The following DNAH12 variants were observed in gnomAD, a reference collection of about 807,000 sequenced individuals.
The protein encoded by DNAH12 is dynein axonemal heavy chain 12, also known as axonemal beta dynein heavy chain 12.
In DNAH12, 285 loss-of-function variants were observed where a neutral mutation model predicts 371.5. The observed-to-expected ratio is 0.77, with a 90% CI of 0.70 to 0.85. The LOEUF (loss-of-function observed/expected upper bound fraction) is 0.85. Ranked by LOEUF, DNAH12 falls within the 40% of genes least tolerant of loss-of-function variation. DNAH12 has a pLI of 0.00. For missense variants in DNAH12, 3,611 were observed against 3,689.4 expected, an observed-to-expected ratio of 0.98 and a Z score of 0.55; for synonymous variants, 1,200 against 1,213.0, an observed-to-expected ratio of 0.99 and a Z score of 0.22.
chr3:57,419,481 A>C lies in DNAH12; in HGVS notation c.5600T>G (p.Leu1867Ter), dbSNP rs1417271962. The C allele has an allele frequency of 3.4e-6, 5 of 1,481,454 alleles. No individual in the cohort carries two copies. Among genetic ancestry groups the C allele is most frequent in the Non-Finnish European group, 4.5e-6 (5 of 1,118,078 alleles). 91.8% of individuals were successfully genotyped at this position (1,481,454 alleles called of 1,614,324 possible). A position where few individuals can be genotyped will look rare whatever the true frequency, so the allele number is the denominator to read the frequency against. Residue 1867 changes from leucine to a stop codon, truncating the protein, a stop_gained, in exon 37 of 74, where the codon TTA becomes TGA. Coordinates refer to ENST00000495027, the MANE Select transcript of DNAH12 (RefSeq NM_001366028.2). LOFTEE classifies it high-confidence loss of function. ...NKGRWVHWNE[L>*]IKNTNLGDKQ... ...ATCTCCTAAATTAGTATTTTTAATTAATTCATTCCAATGGACCCAGCGACC... is the reference window on the plus strand; with the variant it reads ...ATCTCCTAAATTAGTATTTTTAATTCATTCATTCCAATGGACCCAGCGACC...
At chr3:57,525,306 A>G (rs1487272005) in intron 2 of DNAH12, among the ~76,000 whole-genome samples, 3 of 152,202 alleles carry the variant, frequency 2.0e-5, no homozygotes, top group Non-Finnish European at 1.5e-5. Flanking sequence ...ATGAAGATGT[A>G]GGAGCTCAAT....
At chr3:57,417,929 T>C (rs542653597) in intron 37 of DNAH12, among the ~76,000 whole-genome samples, 184 of 152,124 alleles carry the variant, frequency 1.2e-3, no homozygotes, top group South Asian at 1.9e-3. Context: ...GGTGGATGGA[T>C]CATTTGAGGC....
At chr3:57,378,682 T>C (rs1300939553) in intron 52 of DNAH12, among the ~76,000 whole-genome samples, 3 of 152,218 alleles carry the variant, frequency 2.0e-5, no homozygotes, top group Non-Finnish European at 4.4e-5. Context: ...CTCCCAGAAA[T>C]TTGGACCCAG....
intron 59 of DNAH12, among the ~76,000 whole-genome samples, chr3:57,355,441 G>A (rs2062776051): frequency 6.7e-6 from 1 of 149,908 alleles, no homozygotes; most frequent in South Asian, 2.1e-4. Flanking sequence ...ACATGTTGAA[G>A]GGGGGAAAAC....
intron 70 of DNAH12, among the ~76,000 whole-genome samples, chr3:57,301,176 AT>A (rs1021584724): frequency 2.1e-5 from 3 of 140,902 alleles, no homozygotes; most frequent in African/African-American, 7.8e-5. Flanking sequence ...AGTTCCAGTT[AT>A]TCAAGAGGAT....
At chr3:57,555,664 A>G in the DNAH12 span, among the ~76,000 whole-genome samples, 4 of 152,226 alleles carry the variant, frequency 2.6e-5, no homozygotes, top group Non-Finnish European at 5.9e-5. Flanking sequence ...GGATAAAGAG[A>G]CCTACCTCAT....
chr3:57,414,742 A>G (rs1213335148), intron 38 of DNAH12, among the ~76,000 whole-genome samples: 1 of 141,406 alleles, frequency 7.1e-6, no homozygotes, highest in African/African-American at 2.5e-5. Flanking sequence ...CCATTGGAAA[A>G]ATAAACCAAA....
intron 2 of DNAH12, among the ~76,000 whole-genome samples, chr3:57,524,804 A>G (rs1237780891): frequency 2.0e-5 from 3 of 152,140 alleles, no homozygotes; most frequent in African/African-American, 4.8e-5. Context: ...TCAAAGGGGG[A>G]AAAAGGAAGC....
At chr3:57,543,709 T>A (rs1176155386) in intron 1 of DNAH12, among the ~76,000 whole-genome samples, 2 of 151,280 alleles carry the variant, frequency 1.3e-5, no homozygotes, top group African/African-American at 4.9e-5. Flanking sequence ...AAAATAGGCA[T>A]ACTTGATGCA....
chr3:57,366,120 A>T (rs2153332465), intron 57 of DNAH12, among the ~76,000 whole-genome samples: 1 of 152,278 alleles, frequency 6.6e-6, no homozygotes, highest in South Asian at 2.1e-4. Context: ...GACCTTGCTG[A>T]TAAAACAGAT....
chr3:57,296,267 T>G lies in DNAH12; in HGVS notation c.11624+77A>C, dbSNP rs531484922. The G allele has an allele frequency of 2.5e-6, 3 of 1,197,130 alleles. No individual in the cohort carries two copies. The African/African-American group carries it at 4.5e-5, about 18-fold the overall frequency. 74.2% of individuals were successfully genotyped at this position (1,197,130 alleles called of 1,614,324 possible). The stretch of plus-strand genomic sequence containing the variant: ...TTACTTGCCTTAAAAGAGGACTTTT[T>G]TTTTAAGCAACAGATTGCTTATCTT... On this transcript the variant is annotated intron_variant, in intron 72 of 73. Coordinates refer to ENST00000495027, the MANE Select transcript of DNAH12 (RefSeq NM_001366028.2).
chr3:57,434,817 A>T (rs1308065220), intron 30 of DNAH12, among the ~76,000 whole-genome samples: 2 of 151,254 alleles, frequency 1.3e-5, no homozygotes, highest in Admixed American at 6.6e-5. Context: ...ATTAGTATAT[A>T]ATGACAGGTA....
At chr3:57,471,249 G>A (rs2066357368) in intron 15 of DNAH12, among the ~76,000 whole-genome samples, 1 of 151,276 alleles carries the variant, frequency 6.6e-6, no homozygotes, top group Non-Finnish European at 1.5e-5. Flanking sequence ...CAGCTACTCA[G>A]GAGGCTGAGA....
At chr3:57,419,293 T>C in intron 37 of DNAH12, 74 bp downstream of exon 37, 13 of 1,376,698 alleles carry the variant, frequency 9.4e-6, no homozygotes, top group Non-Finnish European at 1.2e-5. Context: ...TCTCGAATAC[T>C]TCAAAAATTG....
At chr3:57,313,196 G>A (rs992017829) in intron 66 of DNAH12, among the ~76,000 whole-genome samples, 1 of 152,116 alleles carries the variant, frequency 6.6e-6, no homozygotes, top group African/African-American at 2.4e-5. Flanking sequence ...ACTCAGATGC[G>A]TCCACCTTAA....
intron 71 of DNAH12, 107 bp from the exon 72 acceptor site, chr3:57,296,542 T>C (rs1559530169): frequency 2.3e-6 from 2 of 865,144 alleles, no homozygotes; most frequent in Non-Finnish European, 3.5e-6. Context: ...CTCTATTGTA[T>C]AATAGCTTGT....
chr3:57,446,242 G>A lies in DNAH12; in HGVS notation c.3968C>T (p.Ala1323Val), dbSNP rs1443055270. The A allele has an allele frequency of 1.9e-6, 3 of 1,551,832 alleles. No homozygotes were observed. The highest frequency in any genetic ancestry group is 2.4e-5 in the South Asian group (2 of 84,022). ...ATTGAATTCATCAAAGCAAGCCCAA[G>A]CACCAGAAGAAGCCAGTCCTTTAAA... ...KFFKGLASSG[A>V]WACFDEFNRI... The change falls in exon 27 of 74, where the codon GCT becomes GTT. Residue 1323 changes from alanine to valine, a missense_variant. Ala to Val is a moderately conservative substitution (Grantham distance 64). This residue lies in a region of DNAH12 where 2,266 missense variants were observed against 2,236.9 expected (regional missense o/e 1.01). Transcript: ENST00000495027.
intron 58 of DNAH12, among the ~76,000 whole-genome samples, chr3:57,357,957 C>T (rs2062838343): frequency 6.6e-6 from 1 of 152,082 alleles, no homozygotes; most frequent in Non-Finnish European, 1.5e-5. Context: ...ATATTCAACC[C>T]CCAAAGAAAA....
intron 25 of DNAH12, among the ~76,000 whole-genome samples, chr3:57,451,609 A>T (rs2065757172): frequency 6.6e-6 from 1 of 152,230 alleles, no homozygotes; most frequent in Non-Finnish European, 1.5e-5. Context: ...ACTGCATTCC[A>T]GCCTGGGCGG....
Sources: gnomAD v4.1 joint callset for allele counts (sites outside exome capture counted in the v4.1 genomes callset) on GRCh38, gnomAD v4.1.1 for gene constraint, gnomAD v4.1.1 regional missense constraint, MANE v1.5 for transcripts, NCBI Gene and HGNC (gene_info 2026-07-23, HGNC 2026-07-21) for gene names.